NUDCD3: variants seen among roughly 807,000 people sequenced by gnomAD.
The protein encoded by NUDCD3 is nudC domain-containing protein 3.
In NUDCD3, 13 loss-of-function variants were observed where a neutral mutation model predicts 39.7. The observed-to-expected ratio is 0.33, with a 90% CI of 0.21 to 0.52. The LOEUF (loss-of-function observed/expected upper bound fraction) is 0.52. Ranked by LOEUF, NUDCD3 falls within the 20% of genes least tolerant of loss-of-function variation. NUDCD3 has a pLI of 0.96. For synonymous variants in NUDCD3, 175 were observed against 172.4 expected (o/e 1.02, Z -0.12); for missense variants, 453 against 458.1 (o/e 0.99, Z 0.10).
rs569081131 is a variant in NUDCD3, at chr7:44,487,769, G to A, written c.193-2485C>T. On this transcript the variant is annotated intron_variant, in intron 1 of 5. Transcript: ENST00000355451. ...AGTTCAAGACCAGCCTGGCCAACAC[G>A]GTGAAACCCCATTTCTACTACTAAA... 1.5e-3 allele frequency among the ~76,000 whole-genome samples: 227 copies of A among 151,556 alleles called. 1 individual carries two copies. In the Middle Eastern group the frequency reaches 0.024, roughly 16 times the overall value.
chr7:44,396,778 A>T (rs1458751657), intron 4 of NUDCD3, among the ~76,000 whole-genome samples: 2 of 152,186 alleles, frequency 1.3e-5, no homozygotes, highest in Non-Finnish European at 2.9e-5. Context: ...AGTTAACCTT[A>T]AAAACCACTG....
chr7:44,433,880 C>A (rs934717699), intron 2 of NUDCD3, among the ~76,000 whole-genome samples: 1 of 152,154 alleles, frequency 6.6e-6, no homozygotes, highest in Non-Finnish European at 1.5e-5. Context: ...ATGATTGAGT[C>A]GTCATGACTC....
At chr7:44,430,436 T>C (rs778875711) in intron 2 of NUDCD3, among the ~76,000 whole-genome samples, 1 of 152,142 alleles carries the variant, frequency 6.6e-6, no homozygotes. Context: ...AAAAGAACAA[T>C]AGGGTAGCAG....
chr7:44,425,665 A>T (rs1799219526), intron 3 of NUDCD3, among the ~76,000 whole-genome samples: 2 of 152,114 alleles, frequency 1.3e-5, no homozygotes, highest in Non-Finnish European at 2.9e-5. Context: ...GGAGTTCAAG[A>T]CCAGCCTGGG....
intron 3 of NUDCD3, among the ~76,000 whole-genome samples, chr7:44,417,836 A>G (rs1479395523): frequency 6.6e-6 from 1 of 152,172 alleles, no homozygotes; most frequent in African/African-American, 2.4e-5. Context: ...TTAAAATTAT[A>G]CTGAAGTCTA....
chr7:44,490,535 G>C lies in NUDCD3; in HGVS notation c.66C>G (p.Asn22Lys). The stretch of plus-strand genomic sequence containing the variant: ...AGAGAACGCGCAGGAAATCCTGGAC[G>C]TTGCCCACGTGCTGCAGGATGCCCA... ...ALLGILQHVGNVQDFLRVLFG... is the reference protein window; with the variant it reads ...ALLGILQHVGKVQDFLRVLFG... The change falls in exon 1 of 6, where the codon AAC becomes AAG. Residue 22 changes from asparagine (N) to lysine (K), a missense_variant. Asn to Lys is a moderately conservative substitution (Grantham distance 94). Transcript: ENST00000355451. 1 of 1,612,288 alleles carries C rather than the reference G, an allele frequency of 6.2e-7. No homozygotes were observed. The highest frequency in any genetic ancestry group is 8.5e-7 in the Non-Finnish European group (1 of 1,179,284).
rs771050602 is a variant in NUDCD3, at chr7:44,406,977, G to A, written c.643-2394C>T. Among the ~76,000 whole-genome samples, 7 of 152,094 alleles carry A rather than the reference G, an allele frequency of 4.6e-5. No homozygotes were observed. The South Asian group carries it at 6.2e-4, about 13-fold the overall frequency. On this transcript the variant is annotated intron_variant, in intron 3 of 5. Transcript: ENST00000355451. Reference sequence around the variant, plus strand: ...TGTGGGAACTGCTGTGGCCCTGGACGCCCCACTGAAAGGGACAGGAATCCC... The same window carrying A: ...TGTGGGAACTGCTGTGGCCCTGGACACCCCACTGAAAGGGACAGGAATCCC...
intron 2 of NUDCD3, among the ~76,000 whole-genome samples, chr7:44,480,941 C>CA (rs1164765600): frequency 0.078 from 2,698 of 34,776 alleles, 225 homozygotes; most frequent in East Asian, 0.25. Context: ...GACCCAGTAT[C>CA]AAAAAAAAAA....
intron 2 of NUDCD3, among the ~76,000 whole-genome samples, chr7:44,452,472 G>T (rs1350558609): frequency 2.6e-5 from 4 of 152,144 alleles, no homozygotes; most frequent in Non-Finnish European, 5.9e-5. Context: ...AGCAGGCAAG[G>T]CCAGGGTGTG....
chr7:44,439,611 A>C (rs2116920081), intron 2 of NUDCD3, among the ~76,000 whole-genome samples: 1 of 150,508 alleles, frequency 6.6e-6, no homozygotes, highest in East Asian at 2.0e-4. Flanking sequence ...AAAAAAAAAC[A>C]GTTGGGGAGG....
At chr7:44,451,772 AG>A (rs1229507342) in intron 2 of NUDCD3, among the ~76,000 whole-genome samples, 1 of 152,196 alleles carries the variant, frequency 6.6e-6, no homozygotes, top group African/African-American at 2.4e-5. Context: ...CATGCAGTTT[AG>A]TACACAAGAA....
chr7:44,407,073 G>A (rs1798836465), intron 3 of NUDCD3, among the ~76,000 whole-genome samples: 2 of 152,118 alleles, frequency 1.3e-5, no homozygotes, highest in South Asian at 4.2e-4. Flanking sequence ...ACCTAGTGTG[G>A]ATGCCTGTGT....
chr7:44,436,186 GTAAGA>G (rs907765366), intron 2 of NUDCD3, among the ~76,000 whole-genome samples: 54 of 152,276 alleles, frequency 3.5e-4, no homozygotes, highest in African/African-American at 1.3e-3. Context: ...TTACAAATTT[GTAAGA>G]TAAGATAATT....
At chr7:44,392,581 G>T in intron 4 of NUDCD3, 96 bp from the exon 5 acceptor site, 6 of 1,096,154 alleles carry the variant, frequency 5.5e-6, no homozygotes, top group Non-Finnish European at 6.7e-6. Context: ...GGGTGTCCAG[G>T]ATAAGCTCAG....
intron 2 of NUDCD3, among the ~76,000 whole-genome samples, chr7:44,430,576 A>T (rs1206089281): frequency 1.3e-4 from 19 of 148,076 alleles, no homozygotes; most frequent in Admixed American, 1.1e-3. Flanking sequence ...ACACTCACAC[A>T]CACACACACA....
chr7:44,379,247 G>T lies in NUDCD3; in HGVS notation c.*6764C>A, dbSNP rs895183071. 5 of 151,068 alleles carry T rather than the reference G, an allele frequency of 3.3e-5. No homozygotes were observed. Among genetic ancestry groups the T allele is most frequent in the Non-Finnish European group, 5.9e-5 (4 of 67,938 alleles). 9.4% of individuals were successfully genotyped at this position (151,068 alleles called of 1,614,324 possible). A position where few individuals can be genotyped will look rare whatever the true frequency, so the allele number is the denominator to read the frequency against. ...GCAGGAGGATCACTTGAGCCCAGAG[G>T]TTTGAGTCCAGTCTGGGCAACACAG... is the stretch of plus-strand genomic sequence containing the variant. On this transcript the variant is annotated 3_prime_UTR_variant, in exon 6 of 6. Coordinates refer to ENST00000355451, the MANE Select transcript of NUDCD3 (RefSeq NM_015332.4).
intron 2 of NUDCD3, among the ~76,000 whole-genome samples, chr7:44,430,554 C>CCCCACACACA (rs1799339303): frequency 7.1e-6 from 1 of 140,772 alleles, no homozygotes; most frequent in Non-Finnish European, 1.5e-5. Context: ...AATAAAATAC[C>CCCCACACACA]CACACACACA....
chr7:44,403,431 C>T (rs1798758804), intron 4 of NUDCD3, among the ~76,000 whole-genome samples: 1 of 152,250 alleles, frequency 6.6e-6, no homozygotes, highest in African/African-American at 2.4e-5. Context: ...AGGTTGGCCC[C>T]ACCTCTGTGT....
chr7:44,448,372 G>A (rs1219524145), intron 2 of NUDCD3, among the ~76,000 whole-genome samples: 1 of 152,196 alleles, frequency 6.6e-6, no homozygotes, highest in African/African-American at 2.4e-5. Context: ...TGTGGAGAGT[G>A]ACTACTGACC....
Sources: allele counts gnomAD v4.1 joint callset (sites outside exome capture counted in the v4.1 genomes callset), GRCh38; gene constraint gnomAD v4.1.1; transcripts MANE v1.5; gene names NCBI Gene and HGNC (gene_info 2026-07-23, HGNC 2026-07-21).